UBE4B: variants seen among roughly 807,000 people sequenced by gnomAD.
UBE4B encodes the protein ubiquitination factor E4B, also known as ubiquitin conjugation factor E4 B.
UBE4B carries 27 observed loss-of-function variants against 148.1 expected under a neutral mutation model. The observed-to-expected ratio is 0.18, with a 90% CI of 0.13 to 0.25. UBE4B has a LOEUF of 0.25. Among genes scored for constraint, UBE4B ranks in the 10% least tolerant of loss-of-function variants. UBE4B has a pLI of 1.00. For missense variants in UBE4B, 1,170 were observed against 1,662.4 expected, an observed-to-expected ratio of 0.70 and a Z score of 5.15; for synonymous variants, 596 against 619.3, an observed-to-expected ratio of 0.96 and a Z score of 0.56.
chr1:10,048,155 C>T (rs186241305), intron 1 of UBE4B, among the ~76,000 whole-genome samples: 2 of 152,072 alleles, frequency 1.3e-5, no homozygotes, highest in Non-Finnish European at 2.9e-5. Context: ...GTCCTGAATG[C>T]GTTTTGGGAG....
rs562731865 is a variant in UBE4B at position 10,081,205 on chromosome 1, G to A, written c.211+8991G>A. 2.6e-4 allele frequency among the ~76,000 whole-genome samples: 39 copies of A among 152,058 alleles called. No individual in the cohort carries two copies. In the South Asian group the frequency reaches 8.1e-3, roughly 32 times the overall value. On this transcript the variant is annotated intron_variant, in intron 2 of 27. Transcript: ENST00000343090. ...AGCCTCCTGAGTAGCTGGGATTACAGGCCTGTGCCACCATGCCTGGCTAAT... is the reference window on the plus strand; with the variant it reads ...AGCCTCCTGAGTAGCTGGGATTACAAGCCTGTGCCACCATGCCTGGCTAAT...
At chr1:10,090,930 G>A (rs1244725964) in intron 2 of UBE4B, among the ~76,000 whole-genome samples, 1 of 152,056 alleles carries the variant, frequency 6.6e-6, no homozygotes, top group Non-Finnish European at 1.5e-5. Context: ...ACAATACTAG[G>A]AGAAAGTCTT....
At chr1:10,096,914 C>T (rs2101877183) in intron 3 of UBE4B, among the ~76,000 whole-genome samples, 1 of 151,908 alleles carries the variant, frequency 6.6e-6, no homozygotes, top group South Asian at 2.1e-4. Flanking sequence ...TGTTGCATGC[C>T]TGTAGTACCA....
intron 11 of UBE4B, 51 bp from the exon 12 acceptor site, chr1:10,129,341 A>G: frequency 6.5e-7 from 1 of 1,538,856 alleles, no homozygotes; most frequent in Non-Finnish European, 9.0e-7. Context: ...GCTACAAATG[A>G]CAGTCAGTTT....
At chr1:10,158,165 C>T (rs577259610) in intron 21 of UBE4B, among the ~76,000 whole-genome samples, 191 bp from the exon 22 acceptor site, 138 of 152,240 alleles carry the variant, frequency 9.1e-4, no homozygotes, top group African/African-American at 2.9e-3. Flanking sequence ...GTCAAATCTT[C>T]ATTGTGAAAC....
rs1204738989 is a variant in UBE4B at position 10,181,193 on chromosome 1, A to G, written c.*1237A>G. The G allele has an allele frequency of 1.4e-5, 2 of 148,032 alleles. No individual in the cohort carries two copies. The highest frequency in any genetic ancestry group is 2.5e-5 in the African/African-American group (1 of 39,754). 9.2% of individuals were successfully genotyped at this position (148,032 alleles called of 1,614,324 possible). ...CTCCACAGACAATGTCCTCTGTTCA[A>G]TTCCTAACGCAAACTACAATAAATG... On this transcript the variant is annotated 3_prime_UTR_variant, in exon 28 of 28. Transcript: ENST00000343090.
intron 7 of UBE4B, among the ~76,000 whole-genome samples, chr1:10,107,052 T>C (rs970134530): frequency 6.6e-6 from 1 of 152,176 alleles, no homozygotes; most frequent in Non-Finnish European, 1.5e-5. Flanking sequence ...GCCCCTTCTC[T>C]CAAATGTACC....
At chr1:10,131,552 A>C (rs1645593884) in intron 14 of UBE4B, among the ~76,000 whole-genome samples, 1 of 152,026 alleles carries the variant, frequency 6.6e-6, no homozygotes, top group Non-Finnish European at 1.5e-5. Context: ...ATGGGAAAGA[A>C]GTAACAAAGC....
chr1:10,178,135 C>G (rs1646453991), intron 25 of UBE4B, among the ~76,000 whole-genome samples: 1 of 152,044 alleles, frequency 6.6e-6, no homozygotes, highest in Non-Finnish European at 1.5e-5. Flanking sequence ...CTTGAAGAAG[C>G]TTGAAAGTGA....
At chr1:10,042,259 G>A (rs1460512217) in intron 1 of UBE4B, among the ~76,000 whole-genome samples, 1 of 152,154 alleles carries the variant, frequency 6.6e-6, no homozygotes, top group African/African-American at 2.4e-5. Context: ...TCCTGTAAAC[G>A]GTTCATTCAA....
intron 7 of UBE4B, among the ~76,000 whole-genome samples, chr1:10,107,724 C>T (rs1217538003): frequency 6.6e-6 from 1 of 151,854 alleles, no homozygotes; most frequent in African/African-American, 2.4e-5. Flanking sequence ...ATTACAGGCA[C>T]CCGCCACCAT....
chr1:10,138,310 G>T (rs902872065), intron 17 of UBE4B, among the ~76,000 whole-genome samples: 2 of 151,958 alleles, frequency 1.3e-5, no homozygotes, highest in Non-Finnish European at 2.9e-5. Flanking sequence ...TGTTAGCCAG[G>T]ATAGTCTTGA....
intron 11 of UBE4B, chr1:10,128,301 CAGTG>C (rs1645535225): frequency 1.3e-5 from 2 of 152,172 alleles, no homozygotes; most frequent in African/African-American, 4.8e-5. Context: ...TTGTGGTAGA[CAGTG>C]ATTTCATTTT....
Position 10,072,105 on chromosome 1 carries a change from G to A in UBE4B, c.102G>A (p.Arg34=). 1 of 1,613,374 alleles carries A rather than the reference G, an allele frequency of 6.2e-7. No individual in the cohort carries two copies. The highest frequency in any genetic ancestry group is 8.5e-7 in the Non-Finnish European group (1 of 1,179,760). The change falls in exon 2 of 28, where the codon AGG becomes AGA. Residue 34 remains arginine, a synonymous_variant. Coordinates refer to ENST00000343090, the MANE Select transcript of UBE4B (RefSeq NM_001105562.3). ...QPTTPLTSPQ[R]ENPPGPPIAA... is the part of the protein sequence containing the mutation. Reference sequence around the variant, plus strand: ...CCACCCCACTCACCTCTCCCCAGAGGGAGAACCCTCCGGGGCCTCCCATAG... The same window carrying A: ...CCACCCCACTCACCTCTCCCCAGAGAGAGAACCCTCCGGGGCCTCCCATAG...
rs182759701 is a variant in UBE4B at position 10,099,817 on chromosome 1, A to G, written c.348-1291A>G. Among the ~76,000 whole-genome samples the G allele has an allele frequency of 2.4e-3, 368 of 152,312 alleles. 4 individuals are homozygous for G. The highest frequency in any genetic ancestry group is 8.6e-3 in the African/African-American group (357 of 41,574). ...GTCTCCAGAAATAGACCCACTCGTT[A>G]ATGAAAATTGGACACGTGACATAGG... On this transcript the variant is annotated intron_variant, in intron 3 of 27. Coordinates refer to ENST00000343090, the MANE Select transcript of UBE4B (RefSeq NM_001105562.3).
In UBE4B at chr1:10,035,506, C is replaced by T. The variant is rs570179017; in HGVS notation, c.24+1812C>T. 3.3e-3 allele frequency among the ~76,000 whole-genome samples: 474 copies of T among 143,724 alleles called. 3 individuals are homozygous for T. The highest frequency in any genetic ancestry group is 0.012 in the African/African-American group (450 of 38,938). 94.3% of individuals were successfully genotyped at this position (143,724 alleles called of 152,430 possible). On this transcript the variant is annotated intron_variant, in intron 1 of 27. Transcript: ENST00000343090. ...CTGCCTCCCGGGTTCACGCCATTCT[C>T]CTGCCTCAGACTCCGGAGTAGCTGG...
rs1182376757 is a variant in UBE4B at position 10,105,696 on chromosome 1, G to A, written c.761G>A (p.Ser254Asn). The A allele has an allele frequency of 4.3e-6, 7 of 1,614,078 alleles. No homozygotes were observed. The highest frequency in any genetic ancestry group is 5.1e-6 in the Non-Finnish European group (6 of 1,180,062). The part of the protein sequence containing the change: ...LLNTGSNPGT[S>N]PMFCSVASFG... ...AACACTGGCTCCAATCCAGGAACAA[G>A]CCCCATGTTCTGCAGCGTGGCTTCC... Residue 254 changes from serine (S) to asparagine (N), a missense_variant, in exon 6 of 28, where the codon AGC becomes AAC. Ser to Asn is a conservative substitution (Grantham distance 46). Transcript: ENST00000343090.
chr1:10,151,061 G>C (rs1331919344), intron 20 of UBE4B, among the ~76,000 whole-genome samples: 1 of 151,298 alleles, frequency 6.6e-6, no homozygotes, highest in Non-Finnish European at 1.5e-5. Context: ...TACTCGGGAG[G>C]CTGAGGCAGG....
chr1:10,086,113 A>G (rs1296274625), intron 2 of UBE4B, among the ~76,000 whole-genome samples: 1 of 152,072 alleles, frequency 6.6e-6, no homozygotes, highest in East Asian at 1.9e-4. Flanking sequence ...CTGGGACTAC[A>G]GGCGCCCGCC....
Sources: allele counts gnomAD v4.1 joint callset (sites outside exome capture counted in the v4.1 genomes callset), GRCh38; gene constraint gnomAD v4.1.1; transcripts MANE v1.5; gene names NCBI Gene and HGNC (gene_info 2026-07-23, HGNC 2026-07-21).